Variants in PM20D2 observed in about 807,000 individuals in gnomAD.
PM20D2 encodes the protein peptidase M20 domain containing 2.
Under a neutral mutation model 42.9 loss-of-function variants are expected in PM20D2, and 33 were observed. The ratio of observed to expected loss-of-function variants is 0.77; its 90% CI spans 0.58 to 1.03. The LOEUF (loss-of-function observed/expected upper bound fraction) is 1.03, where lower values mean the gene tolerates loss of function less well. Among genes scored for constraint, PM20D2 ranks in the 50% least tolerant of loss-of-function variants. PM20D2 has a pLI of 0.00. For synonymous variants in PM20D2, 250 were observed against 228.2 expected (o/e 1.10, Z -0.86); for missense variants, 548 against 557.0 (o/e 0.98, Z 0.16).
chr6:89,126,305 G>C, the PM20D2 span, among the ~76,000 whole-genome samples: 8 of 151,980 alleles, frequency 5.3e-5, no homozygotes, highest in African/African-American at 1.9e-4. Flanking sequence ...TGAGGTGGGA[G>C]GATCACTTGA....
chr6:89,113,505 C>G, the PM20D2 span, among the ~76,000 whole-genome samples: 1 of 152,010 alleles, frequency 6.6e-6, no homozygotes, highest in Non-Finnish European at 1.5e-5. Context: ...GATGGAGCTT[C>G]ACTATGTTAG....
At chr6:89,158,846 C>T (rs1010181397) in intron 5 of PM20D2, among the ~76,000 whole-genome samples, 1 of 152,144 alleles carries the variant, frequency 6.6e-6, no homozygotes, top group Non-Finnish European at 1.5e-5. Context: ...TGAGGAGCAA[C>T]AGACAGCTAG....
chr6:89,117,865 G>A, the PM20D2 span: 1 of 1,563,408 alleles, frequency 6.4e-7, no homozygotes, highest in Non-Finnish European at 8.6e-7. Context: ...GGAGGTGTTG[G>A]GGGGCCTCGT....
chr6:89,159,014 G>A (rs9342181), intron 5 of PM20D2, among the ~76,000 whole-genome samples: 55,368 of 151,844 alleles, frequency 0.36, 11,017 homozygotes, highest in African/African-American at 0.54. Flanking sequence ...ATGGGGTGTC[G>A]GTGTCATTCA....
the PM20D2 span, among the ~76,000 whole-genome samples, chr6:89,104,291 C>T: frequency 2.1e-5 from 3 of 145,740 alleles, no homozygotes; most frequent in Admixed American, 7.0e-5. Flanking sequence ...GGCTGGAGTG[C>T]AATGGCGTGA....
At chr6:89,117,700 TG>T in the PM20D2 span, 3 of 993,946 alleles carry the variant, frequency 3.0e-6, no homozygotes, top group South Asian at 4.5e-5. Context: ...TGGCGCAGCC[TG>T]GGCCCGCGGG....
the PM20D2 span, among the ~76,000 whole-genome samples, chr6:89,114,921 C>T: frequency 6.6e-6 from 1 of 151,362 alleles, no homozygotes; most frequent in Non-Finnish European, 1.5e-5. Flanking sequence ...CTCCGCCTCC[C>T]GAGTAGCTGG....
chr6:89,128,932 T>TA, the PM20D2 span, among the ~76,000 whole-genome samples: 1 of 151,998 alleles, frequency 6.6e-6, no homozygotes, highest in Non-Finnish European at 1.5e-5. Flanking sequence ...TTTCAGGAAA[T>TA]ACAGGGGCTA....
At chr6:89,153,834 T>A (rs147421286) in intron 3 of PM20D2, among the ~76,000 whole-genome samples, 1 of 152,160 alleles carries the variant, frequency 6.6e-6, no homozygotes, top group African/African-American at 2.4e-5. Context: ...ACTCCTGGCC[T>A]TAAGTGATCT....
the PM20D2 span, among the ~76,000 whole-genome samples, chr6:89,100,895 A>G: frequency 2.0e-5 from 3 of 152,184 alleles, no homozygotes; most frequent in Non-Finnish European, 2.9e-5. Flanking sequence ...ACCTGAGGTC[A>G]GGAGTTCAAG....
At chr6:89,131,562 T>G in the PM20D2 span, among the ~76,000 whole-genome samples, 1 of 152,122 alleles carries the variant, frequency 6.6e-6, no homozygotes, top group Admixed American at 6.5e-5. Flanking sequence ...GAACCTATCC[T>G]TTCTCTTGAC....
At chr6:89,125,375 G>C in the PM20D2 span, among the ~76,000 whole-genome samples, 1 of 152,046 alleles carries the variant, frequency 6.6e-6, no homozygotes, top group Admixed American at 6.5e-5. Context: ...AGCTACTCAG[G>C]AGACTGAGGC....
intron 6 of PM20D2, 104 bp from the exon 7 acceptor site, chr6:89,162,005 T>C (rs1407422762): frequency 1.4e-6 from 2 of 1,478,232 alleles, no homozygotes; most frequent in Non-Finnish European, 1.9e-6. Context: ...AATACTGCAC[T>C]GTGGTGGGCA....
chr6:89,120,496 A>G, the PM20D2 span, among the ~76,000 whole-genome samples: 3 of 152,328 alleles, frequency 2.0e-5, no homozygotes, highest in East Asian at 3.9e-4. Context: ...GGTAGTCACA[A>G]TTACTCATCC....
chr6:89,109,784 G>T, the PM20D2 span, among the ~76,000 whole-genome samples: 1 of 152,284 alleles, frequency 6.6e-6, no homozygotes, highest in South Asian at 2.1e-4. Flanking sequence ...AAACACCCAT[G>T]TATCTACCAA....
chr6:89,156,592 G>A lies in PM20D2; in HGVS notation c.912+1690G>A, dbSNP rs147177253. ...GTAATTCTCAGAAAGCATATGTTAC[G>A]TGTCCTGAGAGTAGTGTGGAATGTG... On this transcript the variant is annotated intron_variant, in intron 4 of 6. Transcript: ENST00000275072. Among the ~76,000 whole-genome samples, 11 of 152,272 alleles carry A rather than the reference G, an allele frequency of 7.2e-5. 1 individual carries two copies. The highest frequency in any genetic ancestry group is 3.9e-4 in the East Asian group (2 of 5,182).
the PM20D2 span, among the ~76,000 whole-genome samples, chr6:89,113,176 A>G: frequency 5.3e-4 from 81 of 151,968 alleles, 1 homozygote; most frequent in African/African-American, 1.9e-3. Flanking sequence ...TTTTATCCCA[A>G]TGATTTATTT....
chr6:89,156,284 G>A (rs1450487898), intron 4 of PM20D2, among the ~76,000 whole-genome samples: 1 of 152,148 alleles, frequency 6.6e-6, no homozygotes, highest in African/African-American at 2.4e-5. Context: ...TGCCCTAGAG[G>A]GAGCCTGTAG....
chr6:89,094,112 G>T, the PM20D2 span, among the ~76,000 whole-genome samples: 1 of 151,474 alleles, frequency 6.6e-6, no homozygotes, highest in Non-Finnish European at 1.5e-5. Flanking sequence ...GTAGAGACAG[G>T]GTTTCACCAT....
Sources: allele counts gnomAD v4.1 joint callset (sites outside exome capture counted in the v4.1 genomes callset), GRCh38; gene constraint gnomAD v4.1.1; transcripts MANE v1.5; gene names NCBI Gene and HGNC (gene_info 2026-07-23, HGNC 2026-07-21).